The following VRK2 variants were observed in gnomAD, a reference collection of about 807,000 sequenced individuals.
The protein encoded by VRK2 is VRK serine/threonine kinase 2.
Under a neutral mutation model 57.6 loss-of-function variants are expected in VRK2, and 60 were observed. The observed-to-expected ratio is 1.04, with a 90% confidence interval of 0.85 to 1.29. VRK2 has a LOEUF of 1.29. VRK2 is among the 50% of genes most tolerant of loss of function. VRK2 has a pLI of 0.00. For synonymous variants in VRK2, 231 were observed against 199.2 expected (o/e 1.16, Z -1.35); for missense variants, 705 against 588.1 (o/e 1.20, Z -2.06).
rs138801505 is a variant in VRK2, at chr2:57,924,867, A to G, written c.-439+17028A>G. On this transcript the variant is annotated intron_variant, in intron 1 of 15. Coordinates refer to the VRK2 transcript ENST00000417641. ...GTCATATATGGCCTTTATTATGTTA[A>G]GGTATGTTGCTTCCACCTCCAGTTT... Among the ~76,000 whole-genome samples, 24 of 151,940 alleles carry G rather than the reference A, an allele frequency of 1.6e-4. No homozygotes were observed. In the East Asian group the frequency reaches 4.6e-3, roughly 29 times the overall value.
intron 8 of VRK2, among the ~76,000 whole-genome samples, chr2:58,124,355 C>T (rs976424989): frequency 3.3e-5 from 5 of 152,146 alleles, no homozygotes; most frequent in African/African-American, 1.2e-4. Flanking sequence ...TTCTTAGTTG[C>T]TCTGTCAGCA....
intron 1 of VRK2, among the ~76,000 whole-genome samples, chr2:57,935,372 T>A (rs1025468599): frequency 2.0e-5 from 3 of 152,180 alleles, no homozygotes; most frequent in Non-Finnish European, 4.4e-5. Context: ...ACCCCAAAAA[T>A]CCAGGCTGGA....
intron 8 of VRK2, among the ~76,000 whole-genome samples, chr2:58,128,316 T>A (rs1309386566): frequency 6.6e-6 from 1 of 152,166 alleles, no homozygotes; most frequent in Non-Finnish European, 1.5e-5. Context: ...TTAAAACTAA[T>A]GATGGAGGCA....
chr2:58,134,436 C>G (rs1024398101), intron 9 of VRK2, among the ~76,000 whole-genome samples: 1 of 151,170 alleles, frequency 6.6e-6, no homozygotes, highest in Non-Finnish European at 1.5e-5. Context: ...AAGGTGAAAC[C>G]CCGTCTCTAC....
At chr2:57,958,360 T>C (rs1436472632) in intron 1 of VRK2, among the ~76,000 whole-genome samples, 1 of 151,860 alleles carries the variant, frequency 6.6e-6, no homozygotes, top group Non-Finnish European at 1.5e-5. Context: ...AGGCATCTGG[T>C]CCCAGTTAAT....
intron 8 of VRK2, among the ~76,000 whole-genome samples, chr2:58,123,879 G>A (rs778442257): frequency 2.6e-5 from 4 of 151,486 alleles, no homozygotes; most frequent in East Asian, 1.9e-4. Context: ...TTGCACATAC[G>A]AACAATTATT....
intron 11 of VRK2, among the ~76,000 whole-genome samples, chr2:58,142,570 C>T (rs780486180): frequency 7.9e-5 from 12 of 151,630 alleles, no homozygotes; most frequent in South Asian, 2.1e-4. Flanking sequence ...GAGTTAGCAC[C>T]GCCAATCAAA....
intron 1 of VRK2, among the ~76,000 whole-genome samples, chr2:58,006,144 A>G (rs1673235743): frequency 1.3e-5 from 2 of 152,182 alleles, no homozygotes; most frequent in Non-Finnish European, 2.9e-5. Context: ...CTTTATACAG[A>G]GAGAAATCTG....
chr2:58,071,717 T>A (rs1254762536), intron 2 of VRK2, among the ~76,000 whole-genome samples: 3 of 152,064 alleles, frequency 2.0e-5, no homozygotes, highest in Non-Finnish European at 4.4e-5. Context: ...TGAACTTGAA[T>A]AGTGCAAGTC....
chr2:57,994,262 G>A (rs1360263135), intron 1 of VRK2, among the ~76,000 whole-genome samples: 1 of 152,170 alleles, frequency 6.6e-6, no homozygotes, highest in Non-Finnish European at 1.5e-5. Flanking sequence ...TTTGCCAGGA[G>A]AACAGCCTTT....
chr2:58,059,381 G>A (rs1413819093), intron 2 of VRK2, among the ~76,000 whole-genome samples: 2 of 151,820 alleles, frequency 1.3e-5, no homozygotes, highest in African/African-American at 4.8e-5. Flanking sequence ...AAATAGACCT[G>A]TTTAAATCTC....
At position 58,131,780 on chromosome 2, in the gene VRK2, T is replaced by C. The variant is rs762587628; in HGVS notation, c.677-28T>C. ...TTCTCAAGGACTTGCTTATCCCTTATCTTTCTCTCTAATGCTTACTCCTAT... is the reference window on the plus strand; with the variant it reads ...TTCTCAAGGACTTGCTTATCCCTTACCTTTCTCTCTAATGCTTACTCCTAT... On this transcript the variant is annotated intron_variant, in intron 8 of 12. Transcript: ENST00000340157. The C allele has an allele frequency of 4.5e-6, 7 of 1,566,186 alleles. No homozygotes were observed. The South Asian group carries it at 4.8e-5, about 11-fold the overall frequency.
At chr2:58,099,142 A>C (rs1472967378) in intron 7 of VRK2, among the ~76,000 whole-genome samples, 1 of 152,042 alleles carries the variant, frequency 6.6e-6, no homozygotes, top group Non-Finnish European at 1.5e-5. Flanking sequence ...AGTAATGCCC[A>C]CTTGCCTATA....
chr2:57,969,445 C>G (rs956499733), intron 1 of VRK2, among the ~76,000 whole-genome samples: 1 of 151,678 alleles, frequency 6.6e-6, no homozygotes, highest in Non-Finnish European at 1.5e-5. Flanking sequence ...TTTATTTACA[C>G]TTTTAATTTA....
At chr2:57,992,601 A>G (rs1015629635) in intron 1 of VRK2, among the ~76,000 whole-genome samples, 1 of 152,084 alleles carries the variant, frequency 6.6e-6, no homozygotes, top group African/African-American at 2.4e-5. Context: ...CAGTGGCGCA[A>G]TCTCAGCTCA....
At chr2:58,139,878 C>T (rs750236432) in intron 11 of VRK2, 46 bp downstream of exon 11, 40 of 1,491,532 alleles carry the variant, frequency 2.7e-5, no homozygotes, top group South Asian at 4.3e-5. Context: ...TTCTATGATA[C>T]TTTTCTATCG....
At chr2:58,030,120 G>A (rs1417180645) in intron 2 of VRK2, among the ~76,000 whole-genome samples, 1 of 152,076 alleles carries the variant, frequency 6.6e-6, no homozygotes, top group African/African-American at 2.4e-5. Flanking sequence ...AGCCGTTGCT[G>A]TATTTTAGAT....
At position 58,084,151 on chromosome 2, in the gene VRK2, C is replaced by A. The variant is rs202068002; in HGVS notation, c.186+13C>A. 780 of 1,597,032 alleles carry A rather than the reference C, an allele frequency of 4.9e-4. 6 individuals are homozygous for A. The South Asian group carries it at 6.2e-3, about 13-fold the overall frequency. ...TGTAGTAAAAGTGGTAAGTGTTGCT[C>A]ATAGATTTGTATTTCACATATATTT... On this transcript the variant is annotated intron_variant, in intron 3 of 12. Coordinates refer to ENST00000340157, the MANE Select transcript of VRK2 (RefSeq NM_006296.7).
At chr2:58,063,216 T>C (rs1572906201) in intron 2 of VRK2, among the ~76,000 whole-genome samples, 1 of 151,638 alleles carries the variant, frequency 6.6e-6, no homozygotes, top group East Asian at 1.9e-4. Context: ...AAATTGTGTA[T>C]ATTTAAGGCA....
Sources: gnomAD v4.1 joint callset for allele counts (sites outside exome capture counted in the v4.1 genomes callset) on GRCh38, gnomAD v4.1.1 for gene constraint, MANE v1.5 for transcripts, NCBI Gene and HGNC (gene_info 2026-07-23, HGNC 2026-07-21) for gene names.